Variants in OPCML observed in about 807,000 individuals in gnomAD.
OPCML encodes opioid-binding protein/cell adhesion molecule.
Under a neutral mutation model 37.8 loss-of-function variants are expected in OPCML, and 13 were observed. The ratio of observed to expected loss-of-function variants is 0.34; its 90% CI spans 0.22 to 0.55. OPCML has a LOEUF of 0.55. Among genes scored for constraint, OPCML ranks in the 20% least tolerant of loss-of-function variants. OPCML has a pLI of 0.91. For missense variants in OPCML, 341 were observed against 435.6 expected, an observed-to-expected ratio of 0.78 and a Z score of 1.93; for synonymous variants, 176 against 168.8, an observed-to-expected ratio of 1.04 and a Z score of -0.33.
chr11:133,522,254 A>G (rs1030423630), intron 1 of OPCML, among the ~76,000 whole-genome samples: 1 of 152,038 alleles, frequency 6.6e-6, no homozygotes, highest in African/African-American at 2.4e-5. Flanking sequence ...AAGCCCAAAC[A>G]GATATTTAAA....
chr11:132,436,964 T>C, intron 5 of OPCML, 185 bp from the exon 6 acceptor site: 4 of 962,514 alleles, frequency 4.2e-6, no homozygotes, highest in Non-Finnish European at 4.9e-6. Flanking sequence ...GATACTGCAT[T>C]GACCCCAACC....
At chr11:133,468,169 C>T (rs1943975390) in intron 1 of OPCML, among the ~76,000 whole-genome samples, 2 of 152,202 alleles carry the variant, frequency 1.3e-5, no homozygotes, top group African/African-American at 4.8e-5. Context: ...CCTTGCCTTT[C>T]ATTGATGGCA....
chr11:132,504,042 C>T (rs763196501), intron 4 of OPCML, among the ~76,000 whole-genome samples: 2 of 152,068 alleles, frequency 1.3e-5, no homozygotes, highest in Non-Finnish European at 2.9e-5. Context: ...AAATGCATCT[C>T]TCAGCTTCTC....
intron 3 of OPCML, among the ~76,000 whole-genome samples, chr11:132,633,664 C>T (rs1940295767): frequency 6.6e-6 from 1 of 152,106 alleles, no homozygotes; most frequent in Non-Finnish European, 1.5e-5. Context: ...CTGATTTATC[C>T]TTCCACAAAC....
chr11:133,042,170 C>T (rs1483132899), intron 1 of OPCML, among the ~76,000 whole-genome samples: 1 of 152,204 alleles, frequency 6.6e-6, no homozygotes, highest in East Asian at 1.9e-4. Flanking sequence ...AGGCTCCTGG[C>T]ACTGCACAGC....
chr11:132,979,363 C>T (rs1004382832), intron 1 of OPCML, among the ~76,000 whole-genome samples: 1 of 152,232 alleles, frequency 6.6e-6, no homozygotes, highest in African/African-American at 2.4e-5. Flanking sequence ...TCTGACCTCT[C>T]CTCCTCTCCC....
chr11:132,829,140 C>T (rs1394958478), intron 2 of OPCML, among the ~76,000 whole-genome samples: 1 of 152,118 alleles, frequency 6.6e-6, no homozygotes, highest in Non-Finnish European at 1.5e-5. Context: ...TAGAAGAATC[C>T]AGAAGAATCC....
intron 1 of OPCML, among the ~76,000 whole-genome samples, chr11:132,958,792 A>C (rs1946022898): frequency 1.3e-5 from 2 of 149,882 alleles, no homozygotes; most frequent in African/African-American, 4.9e-5. Flanking sequence ...TTTTAAGCTC[A>C]CTATTAAGAC....
chr11:133,332,410 C>T (rs1943639771), intron 1 of OPCML, among the ~76,000 whole-genome samples: 1 of 152,006 alleles, frequency 6.6e-6, no homozygotes, highest in Non-Finnish European at 1.5e-5. Context: ...ATTTGGATGC[C>T]CTTTATTTCT....
At chr11:133,082,689 G>A (rs534338790) in intron 1 of OPCML, among the ~76,000 whole-genome samples, 1 of 106,866 alleles carries the variant, frequency 9.4e-6, no homozygotes, top group Non-Finnish European at 1.9e-5. Context: ...TGTCAGCTAC[G>A]AAGCCGGGCG....
rs541739586 is a variant in OPCML, at chr11:133,325,806, C to G, written c.61+206458G>C. 2.0e-5 allele frequency among the ~76,000 whole-genome samples: 3 copies of G among 152,272 alleles called. No individual in the cohort carries two copies. The East Asian group carries it at 5.8e-4, about 29-fold the overall frequency. On this transcript the variant is annotated intron_variant, in intron 1 of 7. Transcript: ENST00000524381. ...TGAGAAAGACATGTCCTTAATCGAC[C>G]TCTACAGAGCTCATCTGGGAAGAAA...
At position 133,332,714 on chromosome 11, in the gene OPCML, A is replaced by C. The variant is rs529797641; in HGVS notation, c.61+199550T>G. 3.3e-5 allele frequency among the ~76,000 whole-genome samples: 5 copies of C among 152,260 alleles called. No individual in the cohort carries two copies. The South Asian group carries it at 8.3e-4, about 25-fold the overall frequency. On this transcript the variant is annotated intron_variant, in intron 1 of 7. Transcript: ENST00000524381. Reference sequence around the variant, plus strand: ...CTTTTATGTATCTACTGAAATAGTCATGTGGTTTTTGTTTTTAGTTCTGTT... The same window carrying C: ...CTTTTATGTATCTACTGAAATAGTCCTGTGGTTTTTGTTTTTAGTTCTGTT...
chr11:132,553,076 ATTC>A lies in OPCML; in HGVS notation c.380-23893_380-23891del, dbSNP rs1268070053. Among the ~76,000 whole-genome samples, 4 of 152,068 alleles carry A rather than the reference ATTC, an allele frequency of 2.6e-5. No individual in the cohort carries two copies. In the East Asian group the frequency reaches 5.8e-4, roughly 22 times the overall value. ...ACTACGCGCAGCCGAATTAAACACTATTCTTCTTCTCCACCCTGTGCTTTCCGC... is the reference window on the plus strand; with the variant it reads ...ACTACGCGCAGCCGAATTAAACACTATTCTTCTCCACCCTGTGCTTTCCGC... On this transcript the variant is annotated intron_variant, in intron 3 of 7. Coordinates refer to ENST00000524381, the MANE Select transcript of OPCML (RefSeq NM_001012393.5).
At chr11:133,280,771 T>A (rs1942124655) in intron 1 of OPCML, among the ~76,000 whole-genome samples, 1 of 152,206 alleles carries the variant, frequency 6.6e-6, no homozygotes. Context: ...TCTTTCTTGA[T>A]CCATTATATC....
chr11:132,569,151 C>T (rs894847935), intron 3 of OPCML, among the ~76,000 whole-genome samples: 1 of 152,156 alleles, frequency 6.6e-6, no homozygotes, highest in Non-Finnish European at 1.5e-5. Context: ...GTTCTAACCC[C>T]CAGTGCCTCA....
chr11:133,451,253 C>A (rs1946575419), intron 1 of OPCML, among the ~76,000 whole-genome samples: 1 of 151,630 alleles, frequency 6.6e-6, no homozygotes, highest in Non-Finnish European at 1.5e-5. Context: ...GAGAGAAAAA[C>A]CACTACCTGA....
intron 2 of OPCML, among the ~76,000 whole-genome samples, chr11:132,910,546 C>T (rs1248590017): frequency 1.3e-5 from 2 of 152,196 alleles, no homozygotes; most frequent in African/African-American, 4.8e-5. Flanking sequence ...GGGATGATGT[C>T]ACTCTCTTCC....
At chr11:133,186,057 C>G (rs1230720754) in intron 1 of OPCML, among the ~76,000 whole-genome samples, 2 of 152,008 alleles carry the variant, frequency 1.3e-5, no homozygotes, top group Non-Finnish European at 2.9e-5. Flanking sequence ...TATATAGCCT[C>G]CATCCTTTGT....
At chr11:133,234,638 T>A (rs1398476358) in intron 1 of OPCML, among the ~76,000 whole-genome samples, 1 of 152,218 alleles carries the variant, frequency 6.6e-6, no homozygotes, top group African/African-American at 2.4e-5. Flanking sequence ...GTCATCTCCC[T>A]CCTCATACAT....
Sources: gnomAD v4.1 joint callset for allele counts (sites outside exome capture counted in the v4.1 genomes callset) on GRCh38, gnomAD v4.1.1 for gene constraint, MANE v1.5 for transcripts, NCBI Gene and HGNC (gene_info 2026-07-23, HGNC 2026-07-21) for gene names.